The following PARVA variants were observed in gnomAD, a reference collection of about 807,000 sequenced individuals.
PARVA encodes the protein alpha-parvin.
PARVA carries 25 observed loss-of-function variants against 52.6 expected under a neutral mutation model. The observed-to-expected ratio is 0.48, with a 90% CI of 0.35 to 0.66. The LOEUF (loss-of-function observed/expected upper bound fraction) is 0.66. Among genes scored for constraint, PARVA ranks in the 30% least tolerant of loss-of-function variants. The pLI is 0.01. For synonymous variants in PARVA, 185 were observed against 179.1 expected (o/e 1.03, Z -0.26); for missense variants, 373 against 450.9 (o/e 0.83, Z 1.56).
chr11:12,471,737 T>C (rs967044184), intron 1 of PARVA, among the ~76,000 whole-genome samples: 2 of 152,200 alleles, frequency 1.3e-5, no homozygotes, highest in Non-Finnish European at 2.9e-5. Flanking sequence ...GTACTTGAAA[T>C]GTGGTTGGTG....
chr11:12,393,044 G>GGAA (rs778558238), intron 1 of PARVA, among the ~76,000 whole-genome samples: 8 of 46,162 alleles, frequency 1.7e-4, no homozygotes, highest in African/African-American at 4.7e-4. Flanking sequence ...CCCAAATTGT[G>GGAA]AAAAAAAAAA....
intron 7 of PARVA, among the ~76,000 whole-genome samples, chr11:12,509,601 G>T (rs1473531878): frequency 2.6e-5 from 4 of 152,230 alleles, no homozygotes; most frequent in Non-Finnish European, 5.9e-5. Context: ...TGCCCGTCTA[G>T]ATCACATTGT....
chr11:12,534,562 G>A lies in PARVA; in HGVS notation c.*6637G>A, dbSNP rs1408206275. Among the ~76,000 whole-genome samples the A allele has an allele frequency of 1.3e-5, 2 of 152,160 alleles. No homozygotes were observed. Among genetic ancestry groups the A allele is most frequent in the African/African-American group, 2.4e-5 (1 of 41,434 alleles). ...AGCAGACTTTTCATTTCTTTTTATT[G>A]ATCTTCATGTTTTCACATCTTGAGA... On this transcript the variant is annotated 3_prime_UTR_variant, in exon 13 of 13. Coordinates refer to ENST00000334956, the MANE Select transcript of PARVA (RefSeq NM_018222.5).
intron 5 of PARVA, among the ~76,000 whole-genome samples, chr11:12,500,750 C>A (rs1324900516): frequency 6.6e-6 from 1 of 151,456 alleles, no homozygotes; most frequent in East Asian, 1.9e-4. Flanking sequence ...AAGATTGCAC[C>A]AATGCACTCC....
At chr11:12,492,104 G>A (rs923643470) in intron 4 of PARVA, among the ~76,000 whole-genome samples, 2 of 152,266 alleles carry the variant, frequency 1.3e-5, no homozygotes, top group South Asian at 4.1e-4. Flanking sequence ...ATATAGTGTG[G>A]TATATATGAC....
Position 12,517,609 on chromosome 11 carries a change from GT to G in PARVA, c.870del (p.Phe290LeufsTer26). The G allele has an allele frequency of 6.3e-7, 1 of 1,589,048 alleles. No homozygotes were observed. Among genetic ancestry groups the G allele is most frequent in the Non-Finnish European group, 8.6e-7 (1 of 1,166,604 alleles). On this transcript the variant is annotated frameshift_variant and splice_region_variant, in exon 11 of 13. Transcript: ENST00000334956. LOFTEE classifies it high-confidence loss of function. Reference sequence around the variant, plus strand: ...GTGCCATCACCTGGCTCTTCCTCCAGTTTGCAGATGGGGTGTACCTGGTGCT... The same window carrying G: ...GTGCCATCACCTGGCTCTTCCTCCAGTTGCAGATGGGGTGTACCTGGTGCT... ...NLEVTELETQ[F>X]ADGVYLVLLM... is the part of the protein sequence containing the mutation.
Position 12,528,139 on chromosome 11 carries a change from C to G in PARVA, c.*214C>G, listed in dbSNP as rs1589994512. ...TCCCTCCCAGGCGCTGGGGACCAAC[C>G]TAGCAATGAAGGTTGGGAAGGTTGT... On this transcript the variant is annotated 3_prime_UTR_variant, in exon 13 of 13. Transcript: ENST00000334956. 5 of 543,150 alleles carry G rather than the reference C, an allele frequency of 9.2e-6. No homozygotes were observed. In the East Asian group the frequency reaches 1.4e-4, roughly 15 times the overall value. The allele number at this position is 543,150 out of a possible 1,614,324, so 33.6% of individuals were successfully genotyped here.
intron 1 of PARVA, among the ~76,000 whole-genome samples, chr11:12,406,028 G>A (rs1939901274): frequency 6.6e-6 from 1 of 152,166 alleles, no homozygotes; most frequent in Non-Finnish European, 1.5e-5. Context: ...ATTTATACAT[G>A]TATATGTTTT....
At chr11:12,504,222 T>C (rs1249569021) in intron 5 of PARVA, 92 bp from the exon 6 acceptor site, 8 of 697,446 alleles carry the variant, frequency 1.1e-5, no homozygotes, top group Non-Finnish European at 2.0e-5. Context: ...CCAAACTCTA[T>C]CAGTGGGGTA....
At chr11:12,418,183 G>A (rs1266094058) in intron 1 of PARVA, among the ~76,000 whole-genome samples, 1 of 152,196 alleles carries the variant, frequency 6.6e-6, no homozygotes, top group Admixed American at 6.5e-5. Context: ...CCCAATGAGA[G>A]TCTGAGGTGG....
At chr11:12,521,685 C>T (rs542770824) in intron 12 of PARVA, among the ~76,000 whole-genome samples, 1 of 152,094 alleles carries the variant, frequency 6.6e-6, no homozygotes, top group East Asian at 1.9e-4. Flanking sequence ...TCTAGGTGGT[C>T]CCAATGTCAT....
chr11:12,384,792 A>G (rs1169360088), intron 1 of PARVA, among the ~76,000 whole-genome samples: 3 of 152,158 alleles, frequency 2.0e-5, no homozygotes, highest in African/African-American at 4.8e-5. Context: ...GAGAGTGAGC[A>G]TGATTGTGGA....
At chr11:12,438,273 A>AG (rs1455926300) in intron 1 of PARVA, among the ~76,000 whole-genome samples, 1 of 152,050 alleles carries the variant, frequency 6.6e-6, no homozygotes, top group Non-Finnish European at 1.5e-5. Flanking sequence ...AAAAAAAAAA[A>AG]AAAGAATACC....
In PARVA at chr11:12,522,438, T is replaced by TTTC. The variant is rs60901395; in HGVS notation, c.1042+3921_1042+3922insTTC. Among the ~76,000 whole-genome samples the TTTC allele has an allele frequency of 8.3e-5, 12 of 144,840 alleles. No individual in the cohort carries two copies. In the East Asian group the frequency reaches 1.8e-3, roughly 22 times the overall value. On this transcript the variant is annotated intron_variant, in intron 12 of 12. Coordinates refer to ENST00000334956, the MANE Select transcript of PARVA (RefSeq NM_018222.5). ...GCTTTATTCTTTTTTTTTTTTTTTTTCTTGAGACGGAGTTTCGCTCTCCAG... is the reference window on the plus strand; with the variant it reads ...GCTTTATTCTTTTTTTTTTTTTTTTTTTCCTTGAGACGGAGTTTCGCTCTCCAG...
At chr11:12,514,411 G>A (rs1941544197) in intron 10 of PARVA, among the ~76,000 whole-genome samples, 1 of 152,278 alleles carries the variant, frequency 6.6e-6, no homozygotes, top group African/African-American at 2.4e-5. Flanking sequence ...TCAAAGGCAG[G>A]CAGTTTTAAC....
intron 1 of PARVA, among the ~76,000 whole-genome samples, chr11:12,415,217 C>T: frequency 6.6e-6 from 1 of 152,118 alleles, no homozygotes; most frequent in East Asian, 1.9e-4. Context: ...TGAATACCCC[C>T]AAAAGACATT....
At position 12,473,919 on chromosome 11, in the gene PARVA, A is replaced by G; in HGVS notation, c.233A>G (p.Asn78Ser). 1 of 1,577,810 alleles carries G rather than the reference A, an allele frequency of 6.3e-7. No individual in the cohort carries two copies. The highest frequency in any genetic ancestry group is 1.2e-5 in the South Asian group (1 of 85,666). ...LDPEDTMLEE[N>S]EVRTMVDPNS... is the part of the protein sequence containing the mutation. Reference sequence around the variant, plus strand: ...ATTCCTTTTCTTTTTAAAGAGGAGAATGAGGTGCGAACAATGGTGGATCCA... The same window carrying G: ...ATTCCTTTTCTTTTTAAAGAGGAGAGTGAGGTGCGAACAATGGTGGATCCA... The change falls in exon 3 of 13, where the codon AAT becomes AGT. Residue 78 changes from asparagine to serine, a missense_variant. Physicochemically the swap from Asn to Ser is conservative, Grantham distance 46. Coordinates refer to ENST00000334956, the MANE Select transcript of PARVA (RefSeq NM_018222.5).
intron 1 of PARVA, 66 bp downstream of exon 1, chr11:12,377,849 G>T: frequency 1.6e-6 from 2 of 1,267,074 alleles, no homozygotes; most frequent in Non-Finnish European, 1.0e-6. Flanking sequence ...CCGAGGGGCC[G>T]GGGCACTGGG....
At chr11:12,470,107 C>CCTGT (rs1204228058) in intron 1 of PARVA, among the ~76,000 whole-genome samples, 1 of 152,250 alleles carries the variant, frequency 6.6e-6, no homozygotes, top group African/African-American at 2.4e-5. Flanking sequence ...TGCGCACACA[C>CCTGT]AGTCAGGCTA....
Sources: allele counts gnomAD v4.1 joint callset (sites outside exome capture counted in the v4.1 genomes callset), GRCh38; gene constraint gnomAD v4.1.1; transcripts MANE v1.5; gene names NCBI Gene and HGNC (gene_info 2026-07-23, HGNC 2026-07-21).